The following NLGN1 variants were observed in gnomAD, a reference collection of about 807,000 sequenced individuals.
NLGN1 encodes the protein neuroligin-1.
Under a neutral mutation model 65.5 loss-of-function variants are expected in NLGN1, and 12 were observed. The observed-to-expected ratio is 0.18, with a 90% CI of 0.12 to 0.30. The LOEUF (loss-of-function observed/expected upper bound fraction) is 0.30, where lower values mean the gene tolerates loss of function less well. Ranked by LOEUF, NLGN1 falls within the 10% of genes least tolerant of loss-of-function variation. The pLI is 1.00. For synonymous variants in NLGN1, 350 were observed against 359.5 expected (o/e 0.97, Z 0.30); for missense variants, 750 against 1,007.1 (o/e 0.74, Z 3.46).
At chr3:173,509,252 G>A (rs1244687946) in intron 2 of NLGN1, among the ~76,000 whole-genome samples, 1 of 152,134 alleles carries the variant, frequency 6.6e-6, no homozygotes, top group Non-Finnish European at 1.5e-5. Context: ...GTAAGTATAT[G>A]TATAACACAT....
intron 4 of NLGN1, among the ~76,000 whole-genome samples, chr3:174,086,724 C>T (rs891569741): frequency 6.6e-6 from 1 of 151,840 alleles, no homozygotes; most frequent in African/African-American, 2.4e-5. Context: ...TATTCAAAAT[C>T]TTACTATATT....
intron 4 of NLGN1, among the ~76,000 whole-genome samples, chr3:173,927,000 T>C (rs531174049): frequency 6.6e-6 from 1 of 152,214 alleles, no homozygotes; most frequent in Non-Finnish European, 1.5e-5. Context: ...TTTCTCCCCA[T>C]GATCAGCAAA....
At chr3:173,618,047 G>T (rs188586903) in intron 3 of NLGN1, among the ~76,000 whole-genome samples, 193 of 152,232 alleles carry the variant, frequency 1.3e-3, no homozygotes, top group African/African-American at 4.4e-3. Context: ...TCTAAGAAGA[G>T]GTCGAATTGT....
At chr3:173,574,148 A>T (rs558381873) in intron 2 of NLGN1, among the ~76,000 whole-genome samples, 1 of 151,750 alleles carries the variant, frequency 6.6e-6, no homozygotes, top group Non-Finnish European at 1.5e-5. Context: ...ATATGCAGTC[A>T]TAATTAGTTT....
chr3:174,258,177 A>C (rs2152853903), intron 4 of NLGN1, among the ~76,000 whole-genome samples: 1 of 152,208 alleles, frequency 6.6e-6, no homozygotes, highest in African/African-American at 2.4e-5. Context: ...TACATGTCAA[A>C]ATGACATAGG....
At chr3:173,497,595 TAAAC>T (rs1730247443) in intron 2 of NLGN1, among the ~76,000 whole-genome samples, 1 of 151,674 alleles carries the variant, frequency 6.6e-6, no homozygotes, top group Non-Finnish European at 1.5e-5. Context: ...ACAAAATAAT[TAAAC>T]AACCAAAAGG....
At chr3:173,723,523 A>T (rs1022066979) in intron 3 of NLGN1, among the ~76,000 whole-genome samples, 5 of 152,202 alleles carry the variant, frequency 3.3e-5, no homozygotes, top group Admixed American at 1.3e-4. Flanking sequence ...AAGATATTAA[A>T]TTCAAATGTG....
chr3:173,453,169 G>A (rs74985322), intron 2 of NLGN1, among the ~76,000 whole-genome samples: 2,641 of 151,248 alleles, frequency 0.017, 90 homozygotes, highest in African/African-American at 0.058. Context: ...GTGCAATCAC[G>A]GCTCACTGCA....
intron 4 of NLGN1, among the ~76,000 whole-genome samples, chr3:174,022,235 T>C (rs1727888035): frequency 6.6e-6 from 1 of 152,190 alleles, no homozygotes; most frequent in African/African-American, 2.4e-5. Flanking sequence ...TGAATAAAGC[T>C]GCTTCTTTTG....
In NLGN1 at chr3:173,813,620, CAAAT is replaced by C. The variant is rs1218520914; in HGVS notation, c.646+5794_646+5797del. ...TGGAAGTAATTTGTGACAATGCACA[CAAAT>C]AAATAGATTGGTAAAATCATATTTG... On this transcript the variant is annotated intron_variant, in intron 4 of 6. Coordinates refer to ENST00000457714, the Ensembl canonical transcript of NLGN1. Among the ~76,000 whole-genome samples the C allele has an allele frequency of 2.6e-5, 4 of 152,114 alleles. No homozygotes were observed. In the East Asian group the frequency reaches 5.8e-4, roughly 22 times the overall value.
At chr3:174,138,147 TA>T (rs1184303482) in intron 4 of NLGN1, among the ~76,000 whole-genome samples, 3 of 152,170 alleles carry the variant, frequency 2.0e-5, no homozygotes, top group Non-Finnish European at 4.4e-5. Context: ...TTGGGGTAAA[TA>T]AATAGTTTAA....
intron 4 of NLGN1, among the ~76,000 whole-genome samples, chr3:174,037,371 A>C (rs762347987): frequency 6.6e-6 from 1 of 152,166 alleles, no homozygotes; most frequent in Non-Finnish European, 1.5e-5. Context: ...ATCATCCGTG[A>C]TAATTTCTTG....
At position 174,116,330 on chromosome 3, in the gene NLGN1, C is replaced by CTTTTTTTTTTTTT. The variant is rs1168837585; in HGVS notation, c.647-158970_647-158958dup. On this transcript the variant is annotated intron_variant, in intron 4 of 6. Coordinates refer to ENST00000457714, the Ensembl canonical transcript of NLGN1. Reference sequence around the variant, plus strand: ...ACATGTAAGTTTTTTTCTGGGTTTTCTTTTTTTTTTTTTTTTTTTTTTTTT... The same window carrying CTTTTTTTTTTTTT: ...ACATGTAAGTTTTTTTCTGGGTTTTCTTTTTTTTTTTTTTTTTTTTTTTTTTTTTTTTTTTTTT... 2.0e-4 allele frequency among the ~76,000 whole-genome samples: 14 copies of CTTTTTTTTTTTTT among 69,634 alleles called. 4 individuals are homozygous for CTTTTTTTTTTTTT. Among genetic ancestry groups the CTTTTTTTTTTTTT allele is most frequent in the African/African-American group, 2.9e-4 (6 of 20,740 alleles). The allele number at this position is 69,634 out of a possible 152,430, so 45.7% of individuals were successfully genotyped here.
At chr3:173,945,347 A>G (rs1181501736) in intron 4 of NLGN1, among the ~76,000 whole-genome samples, 3 of 151,980 alleles carry the variant, frequency 2.0e-5, no homozygotes, top group South Asian at 4.2e-4. Flanking sequence ...GTGTAAACCT[A>G]ATTTCCCTGT....
intron 4 of NLGN1, among the ~76,000 whole-genome samples, chr3:173,839,596 T>C (rs1303862311): frequency 6.6e-6 from 1 of 152,060 alleles, no homozygotes; most frequent in Non-Finnish European, 1.5e-5. Flanking sequence ...CTAATTTTTG[T>C]GTTTTTAGTA....
At chr3:173,826,098 T>A (rs1721284890) in intron 4 of NLGN1, among the ~76,000 whole-genome samples, 2 of 152,060 alleles carry the variant, frequency 1.3e-5, no homozygotes, top group Non-Finnish European at 2.9e-5. Flanking sequence ...TGTTTCTCTG[T>A]CAGCCATGAT....
At chr3:173,677,569 A>G (rs894784272) in intron 3 of NLGN1, among the ~76,000 whole-genome samples, 1 of 152,092 alleles carries the variant, frequency 6.6e-6, no homozygotes, top group African/African-American at 2.4e-5. Context: ...GAGCAGAAAT[A>G]TTGTTGTGCA....
chr3:173,765,768 T>C (rs1046374476), intron 3 of NLGN1, among the ~76,000 whole-genome samples: 1 of 152,194 alleles, frequency 6.6e-6, no homozygotes, highest in Non-Finnish European at 1.5e-5. Flanking sequence ...TCTCACACTT[T>C]TATTGCAGGC....
chr3:173,999,448 A>G (rs898567348), intron 4 of NLGN1, among the ~76,000 whole-genome samples: 2 of 152,120 alleles, frequency 1.3e-5, no homozygotes, highest in East Asian at 1.9e-4. Context: ...TTTACCTTTG[A>G]TACCTCTAAA....
Sources: gnomAD v4.1 joint callset for allele counts (sites outside exome capture counted in the v4.1 genomes callset) on GRCh38, gnomAD v4.1.1 for gene constraint, MANE v1.5 for transcripts, NCBI Gene and HGNC (gene_info 2026-07-23, HGNC 2026-07-21) for gene names.